The following CEP120 variants were observed in gnomAD, a reference collection of about 807,000 sequenced individuals.
The protein encoded by CEP120 is centrosomal protein of 120 kDa.
In CEP120, 113 loss-of-function variants were observed where a neutral mutation model predicts 126.5. The observed-to-expected ratio is 0.89, with a 90% CI of 0.77 to 1.04. The LOEUF (loss-of-function observed/expected upper bound fraction) is 1.04, where lower values mean the gene tolerates loss of function less well. CEP120 is among the 50% of genes least tolerant of loss of function. The pLI is 0.00. For missense variants in CEP120, 1,230 were observed against 1,155.7 expected, an observed-to-expected ratio of 1.06 and a Z score of -0.93; for synonymous variants, 400 against 394.3, an observed-to-expected ratio of 1.01 and a Z score of -0.17.
chr5:123,375,045 A>C (rs898396312), intron 16 of CEP120, among the ~76,000 whole-genome samples: 2 of 152,074 alleles, frequency 1.3e-5, no homozygotes, highest in Admixed American at 6.6e-5. Flanking sequence ...TCTAGTTAGA[A>C]TTGTGTGTAT....
At chr5:123,387,768 T>C (rs531502948) in intron 9 of CEP120, among the ~76,000 whole-genome samples, 1 of 152,228 alleles carries the variant, frequency 6.6e-6, no homozygotes, top group South Asian at 2.1e-4. Context: ...TATTGTATTA[T>C]ATTTAATTTA....
At chr5:123,393,593 T>C (rs1417460749) in intron 5 of CEP120, 96 bp from the exon 6 acceptor site, 1 of 1,022,876 alleles carries the variant, frequency 9.8e-7, no homozygotes, top group Non-Finnish European at 1.4e-6. Flanking sequence ...TGCTAAAATG[T>C]TTTTTTATTT....
chr5:123,399,365 G>A, intron 4 of CEP120, 81 bp from the exon 5 acceptor site: 2 of 1,349,758 alleles, frequency 1.5e-6, no homozygotes, highest in South Asian at 1.4e-5. Flanking sequence ...ATTATATTTT[G>A]TAATTTGCTT....
rs1580749779 is a variant in CEP120, at chr5:123,419,894, G to C, written c.50-1379C>G. On this transcript the variant is annotated intron_variant, in intron 1 of 19. Coordinates refer to ENST00000306467, the MANE Select transcript of CEP120 (RefSeq NM_001375405.1). ...GAAGAAGCACTAAGAATCTTGCACTGAGTCAACTAGTTCTCTTGTTTATAA... is the reference window on the plus strand; with the variant it reads ...GAAGAAGCACTAAGAATCTTGCACTCAGTCAACTAGTTCTCTTGTTTATAA... 2.6e-5 allele frequency among the ~76,000 whole-genome samples: 4 copies of C among 152,306 alleles called. No homozygotes were observed. The South Asian group carries it at 8.3e-4, about 32-fold the overall frequency.
chr5:123,422,279 G>T (rs113549413), intron 1 of CEP120, among the ~76,000 whole-genome samples: 4 of 152,126 alleles, frequency 2.6e-5, no homozygotes, highest in African/African-American at 9.6e-5. Flanking sequence ...TGAAACTTCC[G>T]CAGTTTCCTT....
intron 1 of CEP120, 150 bp from the exon 2 acceptor site, chr5:123,418,665 C>T: frequency 1.7e-6 from 1 of 583,866 alleles, no homozygotes. Flanking sequence ...AGCGCAATCT[C>T]AGCTCACTGC....
chr5:123,387,534 T>C (rs945419318), intron 9 of CEP120, among the ~76,000 whole-genome samples: 1 of 152,090 alleles, frequency 6.6e-6, no homozygotes, highest in African/African-American at 2.4e-5. Flanking sequence ...TTCATACCAA[T>C]ACAGAGCATG....
chr5:123,361,589 TAC>T (rs1770079029), intron 18 of CEP120, among the ~76,000 whole-genome samples: 1 of 151,804 alleles, frequency 6.6e-6, no homozygotes. Flanking sequence ...TTTGCTTCTG[TAC>T]AGTTTTCTAC....
intron 6 of CEP120, among the ~76,000 whole-genome samples, chr5:123,392,940 A>G (rs1772502480): frequency 6.6e-6 from 1 of 152,196 alleles, no homozygotes; most frequent in Non-Finnish European, 1.5e-5. Context: ...TTTGAAATCG[A>G]GAGTGTGATC....
chr5:123,388,919 T>C (rs958618952), intron 8 of CEP120, among the ~76,000 whole-genome samples: 4 of 152,214 alleles, frequency 2.6e-5, no homozygotes, highest in African/African-American at 9.6e-5. Context: ...AAGAGGCACA[T>C]AACTTAACAT....
intron 18 of CEP120, among the ~76,000 whole-genome samples, chr5:123,351,034 G>GTTT (rs926557918): frequency 6.6e-6 from 1 of 152,104 alleles, no homozygotes; most frequent in Admixed American, 6.6e-5. Context: ...GAGTCAATAG[G>GTTT]TTTTTGTTAA....
chr5:123,366,947 G>C (rs1356402420), intron 17 of CEP120, among the ~76,000 whole-genome samples: 1 of 151,592 alleles, frequency 6.6e-6, no homozygotes, highest in African/African-American at 2.4e-5. Flanking sequence ...TACTTCCTGA[G>C]GCTGCCAATT....
intron 4 of CEP120, chr5:123,401,597 T>A (rs1773245615): frequency 7.1e-7 from 1 of 1,414,066 alleles, no homozygotes; most frequent in African/African-American, 1.4e-5. Flanking sequence ...GCGGCTGTTG[T>A]CCATGGACAG....
chr5:123,357,903 C>G (rs898552917), intron 18 of CEP120, among the ~76,000 whole-genome samples: 1 of 152,072 alleles, frequency 6.6e-6, no homozygotes, highest in South Asian at 2.1e-4. Flanking sequence ...ATGTGAAGGA[C>G]AAGAACAATT....
At chr5:123,422,109 A>G (rs1343310138) in intron 1 of CEP120, among the ~76,000 whole-genome samples, 1 of 152,118 alleles carries the variant, frequency 6.6e-6, no homozygotes, top group Non-Finnish European at 1.5e-5. Context: ...AATTTAACCA[A>G]TGTTTACTGA....
intron 2 of CEP120, among the ~76,000 whole-genome samples, chr5:123,418,050 TAA>T (rs1300740669): frequency 1.3e-5 from 2 of 152,188 alleles, no homozygotes; most frequent in Non-Finnish European, 2.9e-5. Flanking sequence ...CTCCAAATTC[TAA>T]AACTTTGAGT....
chr5:123,394,402 A>G (rs1772621583), intron 5 of CEP120, among the ~76,000 whole-genome samples: 1 of 152,206 alleles, frequency 6.6e-6, no homozygotes, highest in South Asian at 2.1e-4. Flanking sequence ...CACGCAACCT[A>G]GATCCCTTAC....
chr5:123,422,067 C>A (rs1156757195), intron 1 of CEP120, among the ~76,000 whole-genome samples: 2 of 152,228 alleles, frequency 1.3e-5, no homozygotes, highest in African/African-American at 4.8e-5. Context: ...ATGCCCTCCA[C>A]TTTCTTGCAA....
chr5:123,405,895 T>A (rs1051024492), intron 4 of CEP120, among the ~76,000 whole-genome samples: 2 of 151,960 alleles, frequency 1.3e-5, no homozygotes, highest in African/African-American at 4.8e-5. Flanking sequence ...GTTGGAATTA[T>A]CAAAACAGAA....
Sources: allele counts gnomAD v4.1 joint callset (sites outside exome capture counted in the v4.1 genomes callset), GRCh38; gene constraint gnomAD v4.1.1; transcripts MANE v1.5; gene names NCBI Gene and HGNC (gene_info 2026-07-23, HGNC 2026-07-21).